TENM3: variants seen among roughly 807,000 people sequenced by gnomAD.
TENM3 encodes teneurin transmembrane protein 3, also known as teneurin-3.
Under a neutral mutation model 255.1 loss-of-function variants are expected in TENM3, and 63 were observed. The ratio of observed to expected loss-of-function variants is 0.25; its 90% CI spans 0.20 to 0.30. The LOEUF is 0.30. Among genes scored for constraint, TENM3 ranks in the 10% least tolerant of loss-of-function variants. The probability of loss-of-function intolerance (pLI) is 1.00; values close to 1 mark genes in which losing one functional copy is unlikely to be tolerated. For synonymous variants in TENM3, 1,306 were observed against 1,322.3 expected (o/e 0.99, Z 0.27); for missense variants, 2,929 against 3,461.1 (o/e 0.85, Z 3.86).
chr4:181,959,603 G>A, the TENM3 span, among the ~76,000 whole-genome samples: 3 of 152,172 alleles, frequency 2.0e-5, no homozygotes, highest in Non-Finnish European at 4.4e-5. Flanking sequence ...CGGCATGCCG[G>A]CACCCCACAC....
intron 1 of TENM3, among the ~76,000 whole-genome samples, chr4:182,267,221 T>C (rs1271545854): frequency 6.6e-6 from 1 of 152,194 alleles, no homozygotes; most frequent in Non-Finnish European, 1.5e-5. Context: ...TTTTAACAGT[T>C]GAGTGTATGC....
At chr4:182,398,946 C>T (rs974432821) in intron 3 of TENM3, among the ~76,000 whole-genome samples, 3 of 152,154 alleles carry the variant, frequency 2.0e-5, no homozygotes, top group Non-Finnish European at 4.4e-5. Context: ...CAGTTGAGTT[C>T]ACTCAGTAAA....
intron 1 of TENM3, among the ~76,000 whole-genome samples, chr4:182,280,651 G>A (rs770958929): frequency 1.2e-4 from 19 of 152,112 alleles, no homozygotes; most frequent in Non-Finnish European, 2.2e-4. Context: ...CTGAGTTGGC[G>A]CGGTACGGAA....
intron 4 of TENM3, among the ~76,000 whole-genome samples, chr4:182,614,340 G>T (rs1303562160): frequency 1.3e-5 from 2 of 151,940 alleles, no homozygotes; most frequent in Non-Finnish European, 2.9e-5. Flanking sequence ...AATCCATTTT[G>T]AACAAAATGG....
At chr4:181,855,130 A>G in the TENM3 span, among the ~76,000 whole-genome samples, 2 of 152,300 alleles carry the variant, frequency 1.3e-5, no homozygotes, top group Admixed American at 6.5e-5. Flanking sequence ...AGGGAAGAAG[A>G]TGATATTCAC....
intron 3 of TENM3, among the ~76,000 whole-genome samples, chr4:182,508,376 G>A (rs1737052197): frequency 6.6e-6 from 1 of 152,122 alleles, no homozygotes; most frequent in Non-Finnish European, 1.5e-5. Flanking sequence ...ATCTCATTTG[G>A]CAATTGAGTA....
chr4:181,602,918 G>T, the TENM3 span, among the ~76,000 whole-genome samples: 3 of 152,096 alleles, frequency 2.0e-5, no homozygotes, highest in Non-Finnish European at 4.4e-5. Context: ...TTTAAAAAAA[G>T]AAGAAGAATC....
At chr4:181,586,281 A>G in the TENM3 span, among the ~76,000 whole-genome samples, 5 of 152,192 alleles carry the variant, frequency 3.3e-5, no homozygotes, top group Non-Finnish European at 5.9e-5. Flanking sequence ...CATCCTTAGC[A>G]TTTGAAGGAA....
chr4:181,738,145 AG>A, the TENM3 span, among the ~76,000 whole-genome samples: 6 of 152,296 alleles, frequency 3.9e-5, no homozygotes, highest in African/African-American at 1.4e-4. Context: ...ACTATCATTT[AG>A]AAACATACTG....
chr4:181,825,400 CAAAAAAAAA>C, the TENM3 span, among the ~76,000 whole-genome samples: 10 of 70,430 alleles, frequency 1.4e-4, no homozygotes, highest in African/African-American at 2.3e-4. Context: ...GACTCCATCT[CAAAAAAAAA>C]AAAAAAAAAA....
At chr4:181,615,078 T>C in the TENM3 span, among the ~76,000 whole-genome samples, 1 of 152,202 alleles carries the variant, frequency 6.6e-6, no homozygotes, top group East Asian at 1.9e-4. Context: ...CCCAGGCTGA[T>C]CACTGTTCAT....
At chr4:181,785,927 G>A in the TENM3 span, among the ~76,000 whole-genome samples, 21 of 152,220 alleles carry the variant, frequency 1.4e-4, no homozygotes, top group Middle Eastern at 3.4e-3. Flanking sequence ...CTTAACAAGC[G>A]TGACTTAAAT....
the TENM3 span, among the ~76,000 whole-genome samples, chr4:181,930,896 C>G: frequency 6.6e-6 from 1 of 152,198 alleles, no homozygotes; most frequent in African/African-American, 2.4e-5. Context: ...ATTACATAAA[C>G]AGAACCAATG....
At chr4:182,268,387 G>A (rs1218047440) in intron 1 of TENM3, among the ~76,000 whole-genome samples, 1 of 152,002 alleles carries the variant, frequency 6.6e-6, no homozygotes, top group Admixed American at 6.6e-5. Context: ...CCCCTATTCA[G>A]CCTAAAAACA....
chr4:182,422,898 G>T (rs2151146589), intron 3 of TENM3, among the ~76,000 whole-genome samples: 1 of 152,278 alleles, frequency 6.6e-6, no homozygotes, highest in South Asian at 2.1e-4. Flanking sequence ...AGGCAACTGA[G>T]GCATGGAAAG....
intron 22 of TENM3, chr4:182,772,459 G>T (rs769376982): frequency 3.9e-5 from 6 of 152,086 alleles, no homozygotes; most frequent in Admixed American, 3.9e-4. Context: ...GGGAACCTTC[G>T]ATTAGTGAAG....
the TENM3 span, among the ~76,000 whole-genome samples, chr4:181,459,918 A>G: frequency 2.0e-5 from 3 of 151,924 alleles, no homozygotes; most frequent in Non-Finnish European, 4.4e-5. Context: ...CACATCAACG[A>G]TATTGAGTCT....
chr4:182,022,437 G>A, the TENM3 span, among the ~76,000 whole-genome samples: 2 of 151,374 alleles, frequency 1.3e-5, no homozygotes, highest in Non-Finnish European at 2.9e-5. Flanking sequence ...GAGGCACTAT[G>A]TTCACCACTG....
chr4:182,471,282 A>T (rs1694067105), intron 3 of TENM3, among the ~76,000 whole-genome samples: 1 of 152,254 alleles, frequency 6.6e-6, no homozygotes, highest in African/African-American at 2.4e-5. Context: ...GTGTATGATG[A>T]ACTTTCTTAC....
Sources: allele counts gnomAD v4.1 joint callset (sites outside exome capture counted in the v4.1 genomes callset), GRCh38; gene constraint gnomAD v4.1.1; transcripts MANE v1.5; gene names NCBI Gene and HGNC (gene_info 2026-07-23, HGNC 2026-07-21).